The following CANX variants were observed in gnomAD, a reference collection of about 807,000 sequenced individuals.
CANX encodes calnexin, also known as epididymis secretory sperm binding protein.
CANX carries 14 observed loss-of-function variants against 75.7 expected under a neutral mutation model. The observed-to-expected ratio is 0.19, with a 90% CI of 0.12 to 0.29. The LOEUF (loss-of-function observed/expected upper bound fraction) is 0.29, where lower values mean the gene tolerates loss of function less well. Among genes scored for constraint, CANX ranks in the 10% least tolerant of loss-of-function variants. The pLI, the probability that CANX is intolerant of heterozygous loss-of-function variation, is 1.00. For synonymous variants in CANX, 227 were observed against 236.9 expected (o/e 0.96, Z 0.38); for missense variants, 567 against 713.2 (o/e 0.79, Z 2.34).
At position 179,728,872 on chromosome 5, in the gene CANX, T is replaced by C. The variant is rs1778834133; in HGVS notation, c.*228T>C. The stretch of plus-strand genomic sequence containing the variant: ...TCTGTAGAAAAGAAAACATTTAACA[T>C]AATGGTTGTGAAATGTAACATGAAG... On this transcript the variant is annotated 3_prime_UTR_variant, in exon 15 of 15. Coordinates refer to ENST00000247461, the MANE Select transcript of CANX (RefSeq NM_001746.4). 5.0e-6 allele frequency: 3 copies of C among 605,636 alleles called. No individual in the cohort carries two copies. In the South Asian group the frequency reaches 5.0e-5, roughly 10 times the overall value. The allele number at this position is 605,636 out of a possible 1,614,324, so 37.5% of individuals were successfully genotyped here. A position where few individuals can be genotyped will look rare whatever the true frequency, so the allele number is the denominator to read the frequency against.
chr5:179,719,486 T>A (rs1196726493), intron 8 of CANX, among the ~76,000 whole-genome samples, 182 bp from the exon 9 acceptor site: 1 of 152,234 alleles, frequency 6.6e-6, no homozygotes, highest in Non-Finnish European at 1.5e-5. Context: ...TATTATTGAG[T>A]TGTAAAGAGT....
chr5:179,682,709 C>CA (rs11461581), intron 1 of CANX, among the ~76,000 whole-genome samples: 58,818 of 97,896 alleles, frequency 0.6, 16,950 homozygotes, highest in Non-Finnish European at 0.62. Context: ...GACTCTGTCT[C>CA]AAAAAAAAAA....
chr5:179,694,852 TCAAG>T, upstream of CANX: 1 of 415,384 alleles, frequency 2.4e-6, no homozygotes, highest in Non-Finnish European at 4.4e-6. Context: ...ACTTTCTCCT[TCAAG>T]CAAAAGGTAG....
intron 7 of CANX, among the ~76,000 whole-genome samples, chr5:179,710,319 AG>A (rs1286864512): frequency 6.6e-6 from 1 of 151,366 alleles, no homozygotes; most frequent in Non-Finnish European, 1.5e-5. Flanking sequence ...GCTAGTTGGG[AG>A]GCTGAGGCAG....
At chr5:179,687,919 C>T (rs1776218978) in intron 1 of CANX, among the ~76,000 whole-genome samples, 1 of 151,694 alleles carries the variant, frequency 6.6e-6, no homozygotes, top group Non-Finnish European at 1.5e-5. Flanking sequence ...CCTGTGGTCC[C>T]AGCTACTTGG....
At chr5:179,727,962 C>CT (rs887820898) in intron 14 of CANX, among the ~76,000 whole-genome samples, 80 of 152,200 alleles carry the variant, frequency 5.3e-4, no homozygotes, top group African/African-American at 1.9e-3. Context: ...TCAGGTTTTA[C>CT]TTTCAGCTAC....
chr5:179,688,387 G>T, intron 1 of CANX, among the ~76,000 whole-genome samples: 2 of 101,800 alleles, frequency 2.0e-5, no homozygotes. Flanking sequence ...TTTTTGAGAC[G>T]GAGTCTCACT....
chr5:179,689,161 C>A (rs1052396893), intron 1 of CANX, among the ~76,000 whole-genome samples: 3 of 151,894 alleles, frequency 2.0e-5, no homozygotes, highest in Non-Finnish European at 4.4e-5. Context: ...AGCTGAGAAT[C>A]GCTTAAACCC....
intron 7 of CANX, among the ~76,000 whole-genome samples, chr5:179,714,101 C>T (rs1198227471): frequency 6.6e-6 from 1 of 152,098 alleles, no homozygotes; most frequent in Non-Finnish European, 1.5e-5. Context: ...CGGGTTCAAG[C>T]GATTCTCCTG....
chr5:179,715,469 C>T (rs939691033), intron 7 of CANX, among the ~76,000 whole-genome samples: 9 of 150,726 alleles, frequency 6.0e-5, no homozygotes, highest in Admixed American at 2.6e-4. Flanking sequence ...ACCTGGGAGG[C>T]GGGCGTTGCA....
At chr5:179,698,401 TCA>T, upstream of CANX, 2 of 1,231,828 alleles carry the variant, frequency 1.6e-6, no homozygotes, top group Non-Finnish European at 2.1e-6. Context: ...CGGCGCCGGC[TCA>T]CACAGCGCGG....
exon 1 of CANX, chr5:179,678,683 G>C: frequency 1.3e-6 from 2 of 1,536,100 alleles, no homozygotes; most frequent in Middle Eastern, 1.7e-4. Context: ...CGCAGCCGTC[G>C]GGATCACCTC....
At chr5:179,698,835 G>A, upstream of CANX, 2 of 850,292 alleles carry the variant, frequency 2.4e-6, no homozygotes, top group Non-Finnish European at 3.1e-6. Flanking sequence ...GGTGCGTAGA[G>A]CGATGCCCAC....
chr5:179,703,299 C>T (rs1776894830), intron 1 of CANX, among the ~76,000 whole-genome samples: 1 of 150,168 alleles, frequency 6.7e-6, no homozygotes, highest in Non-Finnish European at 1.5e-5. Flanking sequence ...GTCACTGCAT[C>T]CTCCGCCTCC....
At chr5:179,678,994 C>A in intron 1 of CANX, 1 of 1,535,920 alleles carries the variant, frequency 6.5e-7, no homozygotes, top group East Asian at 2.4e-5. Flanking sequence ...TGTGGTCCAG[C>A]AGGTAGAAGG....
At chr5:179,680,872 C>G in intron 1 of CANX, 1 of 1,536,578 alleles carries the variant, frequency 6.5e-7, no homozygotes, top group Non-Finnish European at 8.7e-7. Flanking sequence ...ATGGTACATA[C>G]CATCCCCAAG....
intron 1 of CANX, among the ~76,000 whole-genome samples, chr5:179,693,070 C>T (rs1172329514): frequency 3.7e-5 from 5 of 136,228 alleles, no homozygotes; most frequent in South Asian, 2.6e-4. Flanking sequence ...CATGTGAACT[C>T]GGAGGGTGGT....
intron 2 of CANX, among the ~76,000 whole-genome samples, 195 bp from the exon 3 acceptor site, chr5:179,706,063 A>G (rs989300302): frequency 6.6e-6 from 1 of 152,192 alleles, no homozygotes; most frequent in African/African-American, 2.4e-5. Flanking sequence ...TCAAAGGGAA[A>G]GCAAAATTCG....
At chr5:179,684,930 T>C (rs1172550861) in intron 1 of CANX, among the ~76,000 whole-genome samples, 1 of 118,868 alleles carries the variant, frequency 8.4e-6, no homozygotes, top group Admixed American at 8.3e-5. Context: ...TTTTGTATTT[T>C]TTTTTTTTTT....
Sources: gnomAD v4.1 joint callset for allele counts (sites outside exome capture counted in the v4.1 genomes callset) on GRCh38, gnomAD v4.1.1 for gene constraint, MANE v1.5 for transcripts, NCBI Gene and HGNC (gene_info 2026-07-23, HGNC 2026-07-21) for gene names.